Variants in ZNF606 observed in about 807,000 individuals in gnomAD.
ZNF606 encodes the protein zinc finger protein 606.
In ZNF606, 37 loss-of-function variants were observed where a neutral mutation model predicts 74.9. That is an observed-to-expected ratio of 0.49 (90% CI 0.38 to 0.65). The LOEUF (loss-of-function observed/expected upper bound fraction) is 0.65, where lower values mean the gene tolerates loss of function less well. Among genes scored for constraint, ZNF606 ranks in the 30% least tolerant of loss-of-function variants. ZNF606 has a pLI of 0.00. For missense variants in ZNF606, 852 were observed against 952.9 expected, an observed-to-expected ratio of 0.89 and a Z score of 1.39; for synonymous variants, 328 against 312.4, an observed-to-expected ratio of 1.05 and a Z score of -0.53.
At chr19:58,003,302 C>G, upstream of ZNF606, 1 of 456,736 alleles carries the variant, frequency 2.2e-6, no homozygotes, top group South Asian at 1.5e-5. Flanking sequence ...AGAGGCCAGG[C>G]TTTATGGGAG....
In ZNF606 at chr19:57,999,956, T is replaced by G; in HGVS notation, c.89-60A>C. The G allele has an allele frequency of 3.3e-6, 5 of 1,530,826 alleles. No individual in the cohort carries two copies. The East Asian group carries it at 9.1e-5, about 28-fold the overall frequency. The allele number at this position is 1,530,826 out of a possible 1,614,324, so 94.8% of individuals were successfully genotyped here. On this transcript the variant is annotated intron_variant, in intron 3 of 6. Coordinates refer to ENST00000551380, the MANE Select transcript of ZNF606 (RefSeq NM_001348022.3). The stretch of plus-strand genomic sequence containing the variant: ...TCGCTGCCAGGAGCTCACCTTTTCT[T>G]CTGGGGGGCTGAGAACCAGCCCCTG...
At chr19:57,990,158 T>C (rs10405145) in intron 4 of ZNF606, among the ~76,000 whole-genome samples, 104,889 of 150,210 alleles carry the variant, frequency 0.7, 36,689 homozygotes, top group Middle Eastern at 0.74. Context: ...GTCAGGAGAT[T>C]GAGACCATCC....
intron 6 of ZNF606, among the ~76,000 whole-genome samples, chr19:57,985,374 CT>C (rs557796655): frequency 6.3e-4 from 96 of 152,256 alleles, no homozygotes; most frequent in Non-Finnish European, 1.2e-3. Context: ...TGCCTAGTGG[CT>C]CCCTGGAAGA....
chr19:57,988,403 C>A, intron 5 of ZNF606, 101 bp from the exon 6 acceptor site: 3 of 1,394,484 alleles, frequency 2.2e-6, no homozygotes, highest in Non-Finnish European at 3.0e-6. Flanking sequence ...TCAACCTGGG[C>A]AGAATATGCA....
chr19:58,000,362 C>T, intron 3 of ZNF606: 1 of 540,068 alleles, frequency 1.9e-6, no homozygotes, highest in South Asian at 2.7e-5. Context: ...GCTGGGACTA[C>T]AGGCGCCCAC....
intron 4 of ZNF606, chr19:57,999,577 AC>A: frequency 3.8e-6 from 2 of 524,904 alleles, no homozygotes; most frequent in Non-Finnish European, 6.8e-6. Flanking sequence ...ATGCCCCACA[AC>A]AAGCCAGGGA....
At chr19:57,999,266 C>G (rs1321567103) in intron 4 of ZNF606, 1 of 153,926 alleles carries the variant, frequency 6.5e-6, no homozygotes, top group South Asian at 2.1e-4. Context: ...CACACAGACT[C>G]TGTCCCATCT....
rs988954293 is a variant in ZNF606, at chr19:58,002,733, C to A, written c.-389G>T. 4 of 452,624 alleles carry A rather than the reference C, an allele frequency of 8.8e-6. No individual in the cohort carries two copies. The East Asian group carries it at 2.1e-4, about 24-fold the overall frequency. 28.0% of individuals were successfully genotyped at this position (452,624 alleles called of 1,614,324 possible). On this transcript the variant is annotated 5_prime_UTR_variant, in exon 1 of 7. Transcript: ENST00000551380. ...CTCCCAGCCGGCTCTCCTGACCCCC[C>A]AAGCCCCGCAGCTACGGCGGCCCCA...
chr19:58,000,048 GAGA>G (rs903599696), intron 3 of ZNF606, 152 bp from the exon 4 acceptor site: 1 of 667,498 alleles, frequency 1.5e-6, no homozygotes, highest in East Asian at 2.7e-5. Flanking sequence ...TTAGGGCTCA[GAGA>G]AGGTTAGGAA....
intron 4 of ZNF606, among the ~76,000 whole-genome samples, chr19:57,990,539 CAAAAAAAAAAA>C (rs1028844010): frequency 5.8e-5 from 3 of 51,944 alleles, no homozygotes; most frequent in Non-Finnish European, 1.3e-4. Flanking sequence ...AACCCAGTCT[CAAAAAAAAAAA>C]AAAAAAAAAA....
In ZNF606 at chr19:57,999,790, A is replaced by G; in HGVS notation, c.177+18T>C. 1.2e-6 allele frequency: 2 copies of G among 1,612,424 alleles called. No homozygotes were observed. The highest frequency in any genetic ancestry group is 8.5e-7 in the Non-Finnish European group (1 of 1,178,634). ...AACCTGGACATCATCCTCTGGGAAC[A>G]GGACAGCCCCATCTCACCTGAACCT... is the stretch of plus-strand genomic sequence containing the variant. On this transcript the variant is annotated intron_variant, in intron 4 of 6. Coordinates refer to ENST00000551380, the MANE Select transcript of ZNF606 (RefSeq NM_001348022.3).
At chr19:58,000,814 G>A in intron 2 of ZNF606, 75 bp from the exon 3 acceptor site, 1 of 1,404,404 alleles carries the variant, frequency 7.1e-7, no homozygotes, top group Non-Finnish European at 9.6e-7. Context: ...AGAGGAGGCT[G>A]ACTCGCTAAT....
chr19:57,989,841 A>G (rs2073225434), intron 4 of ZNF606, among the ~76,000 whole-genome samples: 1 of 151,554 alleles, frequency 6.6e-6, no homozygotes, highest in Non-Finnish European at 1.5e-5. Context: ...TCACGAGCTC[A>G]GGAGATGAGA....
At position 57,995,188 on chromosome 19, in the gene ZNF606, T is replaced by C. The variant is rs1189861985; in HGVS notation, c.177+4620A>G. 3.4e-5 allele frequency among the ~76,000 whole-genome samples: 3 copies of C among 89,160 alleles called. No individual in the cohort carries two copies. The East Asian group carries it at 9.5e-4, about 28-fold the overall frequency. The allele number at this position is 89,160 out of a possible 152,430, so 58.5% of individuals were successfully genotyped here. ...CTGGGCAACAGAATGAGACTCTGAC[T>C]CAAAAAAAAAAAAAAAAAAAAAAGT... On this transcript the variant is annotated intron_variant, in intron 4 of 6. Transcript: ENST00000551380.
rs1382309313 is a variant in ZNF606 at position 57,979,190 on chromosome 19, G to A, written c.1490C>T (p.Ser497Phe). ...NECGKSFNWNSHLIGHQRTHT... is the reference protein window; with the variant it reads ...NECGKSFNWNFHLIGHQRTHT... ...AGTCCTCTGATGTCCAATAAGATGA[G>A]AGTTCCAGTTGAAAGATTTCCCACA... Residue 497 changes from serine to phenylalanine, a missense_variant, in exon 7 of 7, where the codon TCT becomes TTT. Transcript: ENST00000551380. 6.2e-7 allele frequency: 1 copy of A among 1,613,822 alleles called. No homozygotes were observed. Among genetic ancestry groups the A allele is most frequent in the Admixed American group, 1.7e-5 (1 of 59,988 alleles).
At chr19:58,002,995 C>T (rs1194552506), upstream of ZNF606, 4 of 454,494 alleles carry the variant, frequency 8.8e-6, no homozygotes, top group South Asian at 6.2e-5. Flanking sequence ...TTTGTTGTCC[C>T]GGTCCCAGAC....
chr19:57,988,283 A>C lies in ZNF606; in HGVS notation c.324T>G (p.Pro108=), dbSNP rs373837146. 6.2e-7 allele frequency: 1 copy of C among 1,614,058 alleles called. No homozygotes were observed. The highest frequency in any genetic ancestry group is 8.5e-7 in the Non-Finnish European group (1 of 1,179,980). ...CTTGCTCCAACAGGGAGATGACCTC[A>C]GGCTTGGCAATCTGATTTCCTATGC... ...LLSVGNQIAK[P]EVISLLEQGE... The change falls in exon 6 of 7, where the codon CCT becomes CCG. Residue 108 remains proline (P), a synonymous_variant. Coordinates refer to ENST00000551380, the MANE Select transcript of ZNF606 (RefSeq NM_001348022.3).
At chr19:57,988,162 G>C (rs1216779217) in intron 6 of ZNF606, 45 bp downstream of exon 6, 1 of 1,528,580 alleles carries the variant, frequency 6.5e-7, no homozygotes, top group Admixed American at 1.8e-5. Context: ...TCAACAAAGA[G>C]GGCTTGGGGG....
At chr19:57,996,239 C>T (rs1027372550) in intron 4 of ZNF606, among the ~76,000 whole-genome samples, 6 of 152,160 alleles carry the variant, frequency 3.9e-5, no homozygotes, top group East Asian at 1.9e-4. Context: ...CAATGGCTCA[C>T]GCCTGTAATC....
Sources: allele counts gnomAD v4.1 joint callset (sites outside exome capture counted in the v4.1 genomes callset), GRCh38; gene constraint gnomAD v4.1.1; transcripts MANE v1.5; gene names NCBI Gene and HGNC (gene_info 2026-07-23, HGNC 2026-07-21).